The following PRR16 variants were observed in gnomAD, a reference collection of about 807,000 sequenced individuals.
The protein encoded by PRR16 is protein Largen.
A neutral mutation model predicts 18.2 loss-of-function variants in PRR16; 6 were observed. The ratio of observed to expected loss-of-function variants is 0.33; its 90% CI spans 0.18 to 0.65. The LOEUF is 0.65. Ranked by LOEUF, PRR16 falls within the 30% of genes least tolerant of loss-of-function variation. The pLI is 0.74. For missense variants in PRR16, 412 were observed against 376.6 expected (o/e 1.09, Z -0.78); for synonymous variants, 151 against 147.8 (o/e 1.02, Z -0.16).
chr5:120,664,921 G>A (rs1191484880), intron 1 of PRR16, among the ~76,000 whole-genome samples: 2 of 151,964 alleles, frequency 1.3e-5, no homozygotes, highest in Non-Finnish European at 2.9e-5. Context: ...AAACATATGT[G>A]TGCATGTATC....
chr5:120,710,128 C>T, the PRR16 span, among the ~76,000 whole-genome samples: 1 of 152,072 alleles, frequency 6.6e-6, no homozygotes. Flanking sequence ...CGTATCCTTG[C>T]CAGCATTTGT....
At chr5:120,515,927 T>G (rs1475536036) in intron 1 of PRR16, among the ~76,000 whole-genome samples, 4 of 152,342 alleles carry the variant, frequency 2.6e-5, no homozygotes, top group South Asian at 2.1e-4. Flanking sequence ...AATCTCTTGT[T>G]TAAGAGAGCC....
chr5:120,763,436 C>G, the PRR16 span, among the ~76,000 whole-genome samples: 1 of 151,926 alleles, frequency 6.6e-6, no homozygotes. Flanking sequence ...GCCTGGCCTG[C>G]AATAATGTTT....
chr5:120,723,868 G>A, the PRR16 span, among the ~76,000 whole-genome samples: 26 of 151,178 alleles, frequency 1.7e-4, no homozygotes, highest in African/African-American at 6.1e-4. Flanking sequence ...ATTATTTGAG[G>A]CTATTAATTT....
At chr5:120,588,281 T>A (rs1753518147) in intron 1 of PRR16, among the ~76,000 whole-genome samples, 1 of 152,214 alleles carries the variant, frequency 6.6e-6, no homozygotes, top group South Asian at 2.1e-4. Context: ...ATGGCGGGGT[T>A]TGAAAGGATT....
chr5:120,493,368 G>A (rs1264294481), intron 1 of PRR16, among the ~76,000 whole-genome samples: 2 of 152,050 alleles, frequency 1.3e-5, no homozygotes, highest in East Asian at 3.8e-4. Flanking sequence ...TTTGAGAAAT[G>A]TGATTGTGTT....
chr5:120,486,099 A>G (rs1487272848), intron 1 of PRR16, among the ~76,000 whole-genome samples: 8 of 152,084 alleles, frequency 5.3e-5, no homozygotes, highest in African/African-American at 1.4e-4. Context: ...GAATAATGCC[A>G]CAATAAACAT....
At chr5:120,672,418 C>T (rs1447820141) in intron 1 of PRR16, among the ~76,000 whole-genome samples, 1 of 151,712 alleles carries the variant, frequency 6.6e-6, no homozygotes, top group Non-Finnish European at 1.5e-5. Flanking sequence ...CAGGAGCCTC[C>T]TGGTGTGGAT....
chr5:120,528,563 T>C (rs2112662366), intron 1 of PRR16, among the ~76,000 whole-genome samples: 1 of 152,270 alleles, frequency 6.6e-6, no homozygotes, highest in Admixed American at 6.5e-5. Flanking sequence ...ATTATGAATT[T>C]GAGCTCAGTG....
At chr5:120,583,490 A>C (rs774697898) in intron 1 of PRR16, among the ~76,000 whole-genome samples, 1 of 152,182 alleles carries the variant, frequency 6.6e-6, no homozygotes, top group African/African-American at 2.4e-5. Flanking sequence ...AGGCCAGCTC[A>C]CAAGGGGAGA....
At chr5:120,784,831 T>C in the PRR16 span, among the ~76,000 whole-genome samples, 5 of 152,178 alleles carry the variant, frequency 3.3e-5, no homozygotes, top group Non-Finnish European at 7.4e-5. Context: ...CAAAATTCTC[T>C]CTTCTCTTAG....
chr5:120,543,284 A>G (rs1303530605), intron 1 of PRR16, among the ~76,000 whole-genome samples: 3 of 152,134 alleles, frequency 2.0e-5, no homozygotes, highest in Non-Finnish European at 4.4e-5. Context: ...TTTAAGAATT[A>G]TATGTAGATG....
the PRR16 span, among the ~76,000 whole-genome samples, chr5:120,701,521 G>A: frequency 6.6e-6 from 1 of 152,146 alleles, no homozygotes; most frequent in Non-Finnish European, 1.5e-5. Context: ...AGGAGGGGGA[G>A]GGCTAGTCAC....
chr5:120,613,226 C>G (rs1580787598), intron 1 of PRR16, among the ~76,000 whole-genome samples: 1 of 152,214 alleles, frequency 6.6e-6, no homozygotes, highest in East Asian at 1.9e-4. Context: ...TGTTATTTAA[C>G]TGCTGATTTT....
intron 1 of PRR16, among the ~76,000 whole-genome samples, chr5:120,551,472 T>G (rs921927608): frequency 4.6e-5 from 7 of 152,018 alleles, no homozygotes; most frequent in Admixed American, 6.6e-5. Context: ...ATGTGGATAA[T>G]AAGAACTGCC....
intron 1 of PRR16, among the ~76,000 whole-genome samples, chr5:120,567,132 C>G (rs1409445515): frequency 6.6e-6 from 1 of 152,120 alleles, no homozygotes; most frequent in African/African-American, 2.4e-5. Flanking sequence ...AATCCATTGT[C>G]CTATGTCTAC....
the PRR16 span, among the ~76,000 whole-genome samples, chr5:120,698,177 G>C: frequency 6.6e-6 from 1 of 152,100 alleles, no homozygotes; most frequent in East Asian, 1.9e-4. Context: ...GTGAGGGGTG[G>C]CGTGGGAACC....
At chr5:120,781,062 T>G in the PRR16 span, among the ~76,000 whole-genome samples, 1 of 152,112 alleles carries the variant, frequency 6.6e-6, no homozygotes, top group African/African-American at 2.4e-5. Context: ...AATATCTATG[T>G]ATCTATCTAA....
At chr5:120,677,769 T>C (rs1021969985) in intron 1 of PRR16, among the ~76,000 whole-genome samples, 2 of 152,098 alleles carry the variant, frequency 1.3e-5, no homozygotes, top group African/African-American at 2.4e-5. Flanking sequence ...AATTGAATTA[T>C]ATTTTTTTAT....
Sources: gnomAD v4.1 joint callset for allele counts (sites outside exome capture counted in the v4.1 genomes callset) on GRCh38, gnomAD v4.1.1 for gene constraint, MANE v1.5 for transcripts, NCBI Gene and HGNC (gene_info 2026-07-23, HGNC 2026-07-21) for gene names.